ATP1A4: variants seen among roughly 807,000 people sequenced by gnomAD.
ATP1A4 encodes sodium/potassium-transporting ATPase subunit alpha-4.
In ATP1A4, 90 loss-of-function variants were observed where a neutral mutation model predicts 114.3. The observed-to-expected ratio is 0.79, with a 90% CI of 0.66 to 0.94. The LOEUF (loss-of-function observed/expected upper bound fraction) is 0.94. Among genes scored for constraint, ATP1A4 ranks in the 40% least tolerant of loss-of-function variants. The pLI is 0.00. For missense variants in ATP1A4, 1,222 were observed against 1,313.6 expected (o/e 0.93, Z 1.08); for synonymous variants, 511 against 494.1 (o/e 1.03, Z -0.45).
intron 19 of ATP1A4, 26 bp from the exon 20 acceptor site, chr1:160,181,904 C>A (rs375370087): frequency 1.2e-6 from 2 of 1,613,628 alleles, no homozygotes; most frequent in Non-Finnish European, 1.7e-6. Flanking sequence ...TCCCTCCCCG[C>A]CACACCCATG....
At position 160,173,680 on chromosome 1, in the gene ATP1A4, G is replaced by T; in HGVS notation, c.1954G>T (p.Ala652Ser). The stretch of plus-strand genomic sequence containing the variant: ...CACTGAGACGGCAGAGGAAGTCGCT[G>T]CCCGGCTTAAGATCCCTATCAGCAA... ...EGTETAEEVA[A>S]RLKIPISKVD... The change falls in exon 13 of 22, where the codon GCC becomes TCC. Residue 652 changes from alanine (A) to serine (S), a missense_variant. Physicochemically the swap from Ala to Ser is moderately conservative, Grantham distance 99. Transcript: ENST00000368081. 1 of 1,614,134 alleles carries T rather than the reference G, an allele frequency of 6.2e-7. No homozygotes were observed. The highest frequency in any genetic ancestry group is 8.5e-7 in the Non-Finnish European group (1 of 1,180,008).
chr1:160,176,744 C>A, intron 17 of ATP1A4, 142 bp downstream of exon 17: 1 of 1,123,812 alleles, frequency 8.9e-7, no homozygotes, highest in Non-Finnish European at 1.3e-6. Context: ...AAGAACCACT[C>A]ATCTCTGATC....
Position 160,164,330 on chromosome 1 carries a change from C to A in ATP1A4, c.953C>A (p.Ser318Ter). 1 of 1,614,180 alleles carries A rather than the reference C, an allele frequency of 6.2e-7. No individual in the cohort carries two copies. Among genetic ancestry groups the A allele is most frequent in the South Asian group, 1.1e-5 (1 of 91,080 alleles). ...CTTGGTGTCACTTTTTTTGCGCTCT[C>A]ACTTCTCTTGGGCTATGGTTGGCTG... Reference protein sequence around the residue: ...VFLGVTFFALSLLLGYGWLEA... With the variant: ...VFLGVTFFAL Residue 318 changes from serine to a stop codon, truncating the protein, a stop_gained, in exon 7 of 22, where the codon TCA becomes TAA. Coordinates refer to ENST00000368081, the MANE Select transcript of ATP1A4 (RefSeq NM_144699.4). LOFTEE classifies it high-confidence loss of function.
At chr1:160,180,076 A>G (rs1221192238) in intron 18 of ATP1A4, among the ~76,000 whole-genome samples, 1 of 152,224 alleles carries the variant, frequency 6.6e-6, no homozygotes, top group Non-Finnish European at 1.5e-5. Context: ...AGGATCATCA[A>G]CATGGACAAT....
At chr1:160,160,854 T>C (rs958747147) in intron 6 of ATP1A4, among the ~76,000 whole-genome samples, 2 of 152,170 alleles carry the variant, frequency 1.3e-5, no homozygotes, top group African/African-American at 4.8e-5. Flanking sequence ...AAAATACATA[T>C]ATTAAAAATG....
intron 3 of ATP1A4, 38 bp downstream of exon 3, chr1:160,155,286 T>G: frequency 2.6e-6 from 4 of 1,560,998 alleles, no homozygotes; most frequent in Non-Finnish European, 3.5e-6. Context: ...GCCCTATCTC[T>G]GCTTAGCCCC....
intron 6 of ATP1A4, 37 bp downstream of exon 6, chr1:160,159,563 C>G: frequency 6.5e-7 from 1 of 1,544,724 alleles, no homozygotes; most frequent in Non-Finnish European, 8.9e-7. Flanking sequence ...GATTCAAAAG[C>G]AGGCACCAAA....
In ATP1A4 at chr1:160,171,440, G is replaced by C; in HGVS notation, c.1681G>C (p.Gly561Arg). The change falls in exon 11 of 22, where the codon GGC (glycine) becomes CGC (arginine). Residue 561 changes from glycine to arginine, a missense_variant and splice_region_variant. By Grantham distance (125) the Gly-to-Arg change is moderately radical. Transcript: ENST00000368081. ...GGGAGGTCTGGGGGAACGTGTGCTA[G>C]GTGAGGAGCTTTGGGAGAAGTTTTT... ...ELGGLGERVL[G>R]FCFLNLPSSF... is the part of the protein sequence containing the mutation. 1 of 1,613,110 alleles carries C rather than the reference G, an allele frequency of 6.2e-7. No homozygotes were observed. The highest frequency in any genetic ancestry group is 2.2e-5 in the East Asian group (1 of 44,858).
intron 20 of ATP1A4, chr1:160,183,332 G>GT (rs1653774598): frequency 6.6e-6 from 1 of 152,188 alleles, no homozygotes; most frequent in Non-Finnish European, 1.5e-5. Context: ...TATTCTTGCT[G>GT]TTATTAATGC....
chr1:160,174,628 T>G lies in ATP1A4; in HGVS notation c.2192T>G (p.Leu731Arg). Residue 731 changes from leucine (L) to arginine (R), a missense_variant, in exon 15 of 22, where the codon CTG becomes CGG. Transcript: ENST00000368081. ...GACGGGGTGAACGACTCCCCTGCGC[T>G]GAAGAAGGCTGACATTGGCATTGCC... Reference protein sequence around the residue: ...TGDGVNDSPALKKADIGIAMG... With the variant: ...TGDGVNDSPARKKADIGIAMG... The G allele has an allele frequency of 6.2e-7, 1 of 1,614,184 alleles. No individual in the cohort carries two copies. The highest frequency in any genetic ancestry group is 1.1e-5 in the South Asian group (1 of 91,074).
chr1:160,180,770 A>G (rs1479711553), intron 18 of ATP1A4, among the ~76,000 whole-genome samples: 1 of 120,446 alleles, frequency 8.3e-6, no homozygotes, highest in South Asian at 2.9e-4. Context: ...GCTGGAGTGC[A>G]GTGGCATGAT....
chr1:160,186,092 A>AAAAAAAAAAAAAAAAC (rs1653881089), intron 20 of ATP1A4, among the ~76,000 whole-genome samples, 184 bp from the exon 21 acceptor site: 1 of 146,480 alleles, frequency 6.8e-6, no homozygotes, highest in Non-Finnish European at 1.5e-5. Flanking sequence ...GTCGCAAAAA[A>AAAAAAAAAAAAAAAAC]AAAAAAAAAA....
intron 4 of ATP1A4, among the ~76,000 whole-genome samples, chr1:160,156,360 AG>A (rs34074325): frequency 0.22 from 33,737 of 151,602 alleles, 4,061 homozygotes; most frequent in Middle Eastern, 0.37. Context: ...TCACCTATGA[AG>A]TGCTCTGATC....
intron 18 of ATP1A4, among the ~76,000 whole-genome samples, 198 bp from the exon 19 acceptor site, chr1:160,181,486 C>T (rs1047621395): frequency 2.6e-4 from 39 of 150,282 alleles, no homozygotes; most frequent in African/African-American, 7.6e-4. Context: ...ACCCCAGAGG[C>T]GGAGGTTGCA....
intron 18 of ATP1A4, among the ~76,000 whole-genome samples, chr1:160,181,004 A>G (rs975616037): frequency 9.2e-5 from 14 of 151,836 alleles, no homozygotes; most frequent in African/African-American, 1.4e-4. Context: ...ATGAGCCACC[A>G]CACGCCCAGC....
At chr1:160,167,249 G>T (rs1251269940) in intron 9 of ATP1A4, 29 bp from the exon 10 acceptor site, 1 of 1,583,868 alleles carries the variant, frequency 6.3e-7, no homozygotes, top group Non-Finnish European at 8.6e-7. Flanking sequence ...ATGCCCCTGG[G>T]GCTTACTATA....
chr1:160,181,770 C>T lies in ATP1A4; in HGVS notation c.2823C>T (p.Ile941=), dbSNP rs756457325. ...TIVVVQWADL[I]ISKTRRNSLF... is the part of the protein sequence containing the mutation. The stretch of plus-strand genomic sequence containing the variant: ...TGGTTGTGCAGTGGGCGGATCTCAT[C>T]ATCTCCAAGACTCGCCGCAACTCAC... The change falls in exon 19 of 22, where the codon ATC becomes ATT. Residue 941 remains isoleucine, a synonymous_variant. Coordinates refer to ENST00000368081, the MANE Select transcript of ATP1A4 (RefSeq NM_144699.4). 9.9e-6 allele frequency: 16 copies of T among 1,614,020 alleles called. No homozygotes were observed. Among genetic ancestry groups the T allele is most frequent in the South Asian group, 8.8e-5 (8 of 91,068 alleles).
intron 21 of ATP1A4, 144 bp downstream of exon 21, chr1:160,186,511 C>T: frequency 9.4e-7 from 1 of 1,060,966 alleles, no homozygotes; most frequent in Non-Finnish European, 1.4e-6. Flanking sequence ...GCCGAGACCT[C>T]TCTACCCCTT....
In ATP1A4 at chr1:160,171,718, G is replaced by A. The variant is rs1218689059; in HGVS notation, c.1815G>A (p.Val605=). ...TGATTGACCCTCCCCGAGCTGCAGT[G>A]CCTGATGCTGTGAGCAAGTGTCGCA... ...ISMIDPPRAA[V]PDAVSKCRSA... Residue 605 remains valine (V), a synonymous_variant, in exon 12 of 22, where the codon GTG becomes GTA. Transcript: ENST00000368081. The A allele has an allele frequency of 2.5e-6, 4 of 1,614,058 alleles. No individual in the cohort carries two copies. Among genetic ancestry groups the A allele is most frequent in the African/African-American group, 2.7e-5 (2 of 74,910 alleles).
Sources: allele counts gnomAD v4.1 joint callset (sites outside exome capture counted in the v4.1 genomes callset), GRCh38; gene constraint gnomAD v4.1.1; transcripts MANE v1.5; gene names NCBI Gene and HGNC (gene_info 2026-07-23, HGNC 2026-07-21).